Variants in RASAL3 observed in about 807,000 individuals in gnomAD.
RASAL3 encodes RAS protein activator like-3.
RASAL3 carries 74 observed loss-of-function variants against 105.5 expected under a neutral mutation model. The ratio of observed to expected loss-of-function variants is 0.70; its 90% CI spans 0.58 to 0.85. The LOEUF (loss-of-function observed/expected upper bound fraction) is 0.85, where lower values mean the gene tolerates loss of function less well. RASAL3 is among the 40% of genes least tolerant of loss of function. The pLI is 0.00. For missense variants in RASAL3, 1,352 were observed against 1,392.0 expected, an observed-to-expected ratio of 0.97 and a Z score of 0.46; for synonymous variants, 579 against 591.6, an observed-to-expected ratio of 0.98 and a Z score of 0.31.
At chr19:15,458,158 C>A in intron 8 of RASAL3, 170 bp downstream of exon 8, 1 of 676,398 alleles carries the variant, frequency 1.5e-6, no homozygotes, top group Non-Finnish European at 2.5e-6. Flanking sequence ...CTGATATTCC[C>A]GGGGCTGGTA....
chr19:15,458,110 G>C, intron 8 of RASAL3: 1 of 627,328 alleles, frequency 1.6e-6, no homozygotes, highest in Non-Finnish European at 2.8e-6. Context: ...CAGGGCTTTG[G>C]GTGCATATGG....
In RASAL3 at chr19:15,463,041, CCT is replaced by C. The variant is rs1267635954; in HGVS notation, c.328+988_328+989del. ...GATATCCATTACTCTTCTAGATCCC[CCT>C]GTGTGACACTTAGCACCATCTGTCA... is the stretch of plus-strand genomic sequence containing the variant. On this transcript the variant is annotated intron_variant, in intron 2 of 17. Transcript: ENST00000343625. Among the ~76,000 whole-genome samples the C allele has an allele frequency of 4.6e-5, 7 of 152,124 alleles. 1 individual carries two copies. The East Asian group carries it at 1.2e-3, about 25-fold the overall frequency.
intron 2 of RASAL3, among the ~76,000 whole-genome samples, chr19:15,462,011 T>C (rs1970526744): frequency 2.0e-5 from 3 of 152,178 alleles, no homozygotes. Context: ...TTTGTTTTTT[T>C]TGCATTCTTC....
In RASAL3 at chr19:15,453,368, G is replaced by C; in HGVS notation, c.2409C>G (p.Asp803Glu). ...RSESWARPRP[D>E]EERPLRRPRP... is the part of the protein sequence containing the mutation. ...GGGGCCGCCGCAGGGGCCGCTCTTC[G>C]TCCGGCCGTGGCCGGGCCCAACTCT... Residue 803 changes from aspartate to glutamate, a missense_variant, in exon 15 of 18, where the codon GAC becomes GAG. Around this residue, in one of 3 missense-constraint regions of RASAL3, gnomAD observed 920 missense variants for 919.6 expected, o/e 1.00. Coordinates refer to ENST00000343625, the MANE Select transcript of RASAL3 (RefSeq NM_022904.3). The surrounding 1 kb of genome is among the most constrained non-coding windows in gnomAD (Gnocchi z 4.2). 1.4e-6 allele frequency: 2 copies of C among 1,447,334 alleles called. No individual in the cohort carries two copies. Among genetic ancestry groups the C allele is most frequent in the Non-Finnish European group, 1.8e-6 (2 of 1,106,418 alleles). The allele number at this position is 1,447,334 out of a possible 1,614,324, so 89.7% of individuals were successfully genotyped here.
chr19:15,452,540 G>A, intron 16 of RASAL3, 118 bp downstream of exon 16: 1 of 927,310 alleles, frequency 1.1e-6, no homozygotes, highest in Non-Finnish European at 1.6e-6. Flanking sequence ...ATTGGGGCGG[G>A]GCCAGGGTGG....
Position 15,457,094 on chromosome 19 carries a change from A to T in RASAL3, c.1431+198T>A, listed in dbSNP as rs1366031780. On this transcript the variant is annotated intron_variant, in intron 9 of 17. Coordinates refer to ENST00000343625, the MANE Select transcript of RASAL3 (RefSeq NM_022904.3). This position sits in a 1 kb window ranked among gnomAD's most constrained non-coding sequence, Gnocchi z 8.6. ...GCCCCGCCCCTTACGGGTGATGTTCAGGCCCCGCCCTTCTAGGTGCCCCGC... is the reference window on the plus strand; with the variant it reads ...GCCCCGCCCCTTACGGGTGATGTTCTGGCCCCGCCCTTCTAGGTGCCCCGC... Among the ~76,000 whole-genome samples the T allele has an allele frequency of 6.7e-6, 1 of 149,978 alleles. No homozygotes were observed. Among genetic ancestry groups the T allele is most frequent in the East Asian group, 2.0e-4 (1 of 5,060 alleles).
In RASAL3 at chr19:15,461,261, G is replaced by A. The variant is rs377347063; in HGVS notation, c.501C>T (p.Ser167=). ...PRRPRVGSAS[S]EGSIHVAMGN... ...CCATGGCCACGTGGATGCTGCCCTCGGAGCTAGCACTTCCCACCCGGGGCC... is the reference window on the plus strand; with the variant it reads ...CCATGGCCACGTGGATGCTGCCCTCAGAGCTAGCACTTCCCACCCGGGGCC... The change falls in exon 4 of 18, where the codon TCC becomes TCT. Residue 167 remains serine (S), a synonymous_variant. Coordinates refer to ENST00000343625, the MANE Select transcript of RASAL3 (RefSeq NM_022904.3). The A allele has an allele frequency of 2.0e-5, 32 of 1,613,744 alleles. No homozygotes were observed. Among genetic ancestry groups the A allele is most frequent in the South Asian group, 6.6e-5 (6 of 91,054 alleles).
At chr19:15,459,690 C>T (rs932568967) in intron 6 of RASAL3, among the ~76,000 whole-genome samples, 2 of 152,048 alleles carry the variant, frequency 1.3e-5, no homozygotes, top group African/African-American at 2.4e-5. Context: ...GTGCCCGCCA[C>T]CATGCCTAGC....
intron 6 of RASAL3, among the ~76,000 whole-genome samples, chr19:15,459,651 C>T (rs1375513093): frequency 6.6e-6 from 1 of 152,152 alleles, no homozygotes; most frequent in Non-Finnish European, 1.5e-5. Flanking sequence ...AATCCTCCCA[C>T]TCAGCCTCCC....
In RASAL3 at chr19:15,457,213, C is replaced by A; in HGVS notation, c.1431+79G>T. Reference sequence around the variant, plus strand: ...CCCCCATTACAGGTGCAACTCAGGTCCTGCGCCCCAACTCCTGCCCGAAGC... The same window carrying A: ...CCCCCATTACAGGTGCAACTCAGGTACTGCGCCCCAACTCCTGCCCGAAGC... On this transcript the variant is annotated intron_variant, in intron 9 of 17. Coordinates refer to ENST00000343625, the MANE Select transcript of RASAL3 (RefSeq NM_022904.3). The surrounding 1 kb of genome is among the most constrained non-coding windows in gnomAD (Gnocchi z 8.6). 6 of 1,158,848 alleles carry A rather than the reference C, an allele frequency of 5.2e-6. No homozygotes were observed. The highest frequency in any genetic ancestry group is 6.5e-6 in the Non-Finnish European group (6 of 917,692). 71.8% of individuals were successfully genotyped at this position (1,158,848 alleles called of 1,614,324 possible).
In RASAL3 at chr19:15,451,931, C is replaced by T. The variant is rs774865074; in HGVS notation, c.2900G>A (p.Arg967His). ...EGHSLKNLEHRLNEMERTQAQ... is the reference protein window; with the variant it reads ...EGHSLKNLEHHLNEMERTQAQ... ...CTGAGTTCTCTCCATCTCATTTAGG[C>T]GGTGCTCCTGGGGAGGCAGTGGTGA... The change falls in exon 18 of 18, where the codon CGC becomes CAC. Residue 967 changes from arginine to histidine, a missense_variant. By Grantham distance (29) the Arg-to-His change is conservative. Transcript: ENST00000343625. 4 of 1,609,974 alleles carry T rather than the reference C, an allele frequency of 2.5e-6. No individual in the cohort carries two copies. The highest frequency in any genetic ancestry group is 3.4e-6 in the Non-Finnish European group (4 of 1,176,722).
rs745776120 is a variant in RASAL3 at position 15,456,612 on chromosome 19, G to C, written c.1466C>G (p.Ala489Gly). ...LVTDLGTAEL[A>G]RCGGREALLF... ...CAGCGCCTCACGGCCTCCACAGCGC[G>C]CCAGCTCCGCAGTGCCCAGGTCAGT... is the stretch of plus-strand genomic sequence containing the variant. The change falls in exon 10 of 18, where the codon GCG becomes GGG. Residue 489 changes from alanine (A) to glycine (G), a missense_variant. By Grantham distance (60) the Ala-to-Gly change is moderately conservative (BLOSUM62 0). Transcript: ENST00000343625. This position sits in a 1 kb window ranked among gnomAD's most constrained non-coding sequence, Gnocchi z 4.4. 1 of 1,613,010 alleles carries C rather than the reference G, an allele frequency of 6.2e-7. No individual in the cohort carries two copies. Among genetic ancestry groups the C allele is most frequent in the Non-Finnish European group, 8.5e-7 (1 of 1,179,638 alleles).
chr19:15,461,632 G>A lies in RASAL3; in HGVS notation c.329-25C>T, dbSNP rs1469965700. 8.0e-6 allele frequency: 12 copies of A among 1,492,426 alleles called. 1 individual carries two copies. The highest frequency in any genetic ancestry group is 4.1e-5 in the South Asian group (3 of 73,064). 92.4% of individuals were successfully genotyped at this position (1,492,426 alleles called of 1,614,324 possible). A position where few individuals can be genotyped will look rare whatever the true frequency, so the allele number is the denominator to read the frequency against. On this transcript the variant is annotated intron_variant, in intron 2 of 17. Coordinates refer to ENST00000343625, the MANE Select transcript of RASAL3 (RefSeq NM_022904.3). ...TCTGGGAAGAAGAGGAGGCACTGGG[G>A]GACTTAAGAGACGTTTTCTCTCCCT...
chr19:15,461,708 G>A (rs898024631), intron 2 of RASAL3, 101 bp from the exon 3 acceptor site: 5 of 1,404,574 alleles, frequency 3.6e-6, no homozygotes, highest in Middle Eastern at 4.6e-4. Flanking sequence ...CCTCCTAGGT[G>A]CCCCCCACCC....
Position 15,457,936 on chromosome 19 carries a change from C to A in RASAL3, c.889-102G>T. The A allele has an allele frequency of 1.5e-6, 2 of 1,343,430 alleles. No homozygotes were observed. Among genetic ancestry groups the A allele is most frequent in the South Asian group, 1.4e-5 (1 of 72,740 alleles). 83.2% of individuals were successfully genotyped at this position (1,343,430 alleles called of 1,614,324 possible). ...GAGCCTCAAACCTGTTGCGTCGGGT[C>A]CCTAGGGAGATTGCTGGGCCTTTGG... On this transcript the variant is annotated intron_variant, in intron 8 of 17. Transcript: ENST00000343625. The surrounding 1 kb of genome is among the most constrained non-coding windows in gnomAD (Gnocchi z 8.6).
In RASAL3 at chr19:15,453,798, T is replaced by A. The variant is rs558643179; in HGVS notation, c.2280-301A>T. On this transcript the variant is annotated intron_variant, in intron 14 of 17. Transcript: ENST00000343625. The surrounding 1 kb of genome is among the most constrained non-coding windows in gnomAD (Gnocchi z 4.2). ...TTTTGGTAGAGATGGGGTCTCCCTA[T>A]GTTGCCCAGGCTTGTCTTAAGTTCC... Among the ~76,000 whole-genome samples, 1 of 151,788 alleles carries A rather than the reference T, an allele frequency of 6.6e-6. No homozygotes were observed. The highest frequency in any genetic ancestry group is 3.4e-3 in the Middle Eastern group (1 of 292).
Position 15,456,848 on chromosome 19 carries a change from GT to G in RASAL3, c.1432-203del. 3 of 650,598 alleles carry G rather than the reference GT, an allele frequency of 4.6e-6. No individual in the cohort carries two copies. In the South Asian group the frequency reaches 5.9e-5, roughly 13 times the overall value. The allele number at this position is 650,598 out of a possible 1,614,324, so 40.3% of individuals were successfully genotyped here. ...GAAATTTAAGCCTTTCAGCGCTGAG[GT>G]GCAACCTGGGCCCCGCCCCTCACGC... On this transcript the variant is annotated intron_variant, in intron 9 of 17. Transcript: ENST00000343625. The surrounding 1 kb of genome is among the most constrained non-coding windows in gnomAD (Gnocchi z 4.4).
chr19:15,457,379 C>G lies in RASAL3; in HGVS notation c.1344G>C (p.Gly448=). 2 of 1,441,328 alleles carry G rather than the reference C, an allele frequency of 1.4e-6. No homozygotes were observed. The highest frequency in any genetic ancestry group is 3.2e-5 in the East Asian group (1 of 31,574). The allele number at this position is 1,441,328 out of a possible 1,614,324, so 89.3% of individuals were successfully genotyped here. The part of the protein sequence containing the change: ...FLTFHYARLC[G]ALEPALPAQA... ...GCGCAGGCAGCGCGGGCTCCAGGGC[C>G]CCGCAGAGGCGCGCATAGTGGAAGG... The change falls in exon 9 of 18, where the codon GGG becomes GGC. Residue 448 remains glycine, a synonymous_variant. Transcript: ENST00000343625. The surrounding 1 kb of genome is among the most constrained non-coding windows in gnomAD (Gnocchi z 8.6).
chr19:15,452,917 C>T, intron 15 of RASAL3, 102 bp from the exon 16 acceptor site: 2 of 1,463,886 alleles, frequency 1.4e-6, no homozygotes, highest in Non-Finnish European at 1.8e-6. Flanking sequence ...CATCACCGGC[C>T]TGCCTAGTTG....
Sources: gnomAD v4.1 joint callset for allele counts (sites outside exome capture counted in the v4.1 genomes callset) on GRCh38, gnomAD v4.1.1 for gene constraint, gnomAD v4.1.1 regional missense constraint, Gnocchi (gnomAD v3.1) non-coding constraint, MANE v1.5 for transcripts, NCBI Gene and HGNC (gene_info 2026-07-23, HGNC 2026-07-21) for gene names.